Variants in CHODL observed in about 807,000 individuals in gnomAD.
The protein encoded by CHODL is chondrolectin, also known as transmembrane protein MT75.
In CHODL, 29 loss-of-function variants were observed where a neutral mutation model predicts 34.5. The observed-to-expected ratio is 0.84, with a 90% CI of 0.63 to 1.15. CHODL has a LOEUF of 1.15. CHODL is among the 50% of genes most tolerant of loss of function. The probability of loss-of-function intolerance (pLI) is 0.00; values close to 1 mark genes in which losing one functional copy is unlikely to be tolerated. For missense variants in CHODL, 332 were observed against 332.5 expected, an observed-to-expected ratio of 1.00 and a Z score of 0.01; for synonymous variants, 125 against 116.1, an observed-to-expected ratio of 1.08 and a Z score of -0.49.
At chr21:18,131,867 C>G (rs1208512118) in intron 2 of CHODL, among the ~76,000 whole-genome samples, 1 of 152,008 alleles carries the variant, frequency 6.6e-6, no homozygotes, top group Non-Finnish European at 1.5e-5. Flanking sequence ...TTTCATTCTT[C>G]CATTATTTTT....
At chr21:17,976,921 C>A (rs1345208317) in intron 1 of CHODL, among the ~76,000 whole-genome samples, 2 of 152,092 alleles carry the variant, frequency 1.3e-5, no homozygotes, top group Admixed American at 6.6e-5. Context: ...AAATGCTTTC[C>A]AGACAGATTT....
intron 2 of CHODL, among the ~76,000 whole-genome samples, chr21:18,112,779 G>A (rs1241041075): frequency 6.6e-6 from 1 of 152,154 alleles, no homozygotes; most frequent in East Asian, 1.9e-4. Flanking sequence ...ATGCACCAAA[G>A]ACTTAAGTCT....
chr21:17,954,266 G>A (rs993652466), intron 1 of CHODL, among the ~76,000 whole-genome samples: 1 of 152,170 alleles, frequency 6.6e-6, no homozygotes, highest in Non-Finnish European at 1.5e-5. Flanking sequence ...AATACACGAT[G>A]TAAAAGGTGT....
intron 2 of CHODL, among the ~76,000 whole-genome samples, chr21:18,188,976 T>C (rs2073477967): frequency 6.6e-6 from 1 of 152,246 alleles, no homozygotes; most frequent in African/African-American, 2.4e-5. Flanking sequence ...TGGGCAGATG[T>C]CCTTGCAGTA....
intron 1 of CHODL, among the ~76,000 whole-genome samples, chr21:17,992,499 T>C (rs1224559557): frequency 3.3e-5 from 5 of 152,166 alleles, no homozygotes; most frequent in Non-Finnish European, 7.3e-5. Flanking sequence ...TGTTTTGCAG[T>C]TTTCACTGTA....
chr21:17,953,412 A>ATGGAGGTT (rs2063473863), intron 1 of CHODL, among the ~76,000 whole-genome samples: 1 of 152,096 alleles, frequency 6.6e-6, no homozygotes. Context: ...GACTACAGTG[A>ATGGAGGTT]GCCACGATTG....
intron 2 of CHODL, among the ~76,000 whole-genome samples, chr21:18,220,034 A>G (rs981094987): frequency 1.3e-5 from 2 of 152,158 alleles, no homozygotes; most frequent in Admixed American, 6.5e-5. Context: ...TGCTGTCCCA[A>G]TATTTTCATT....
intron 2 of CHODL, among the ~76,000 whole-genome samples, chr21:18,136,379 T>C (rs1259792842): frequency 6.6e-6 from 1 of 152,086 alleles, no homozygotes; most frequent in African/African-American, 2.4e-5. Context: ...CACGATAAAG[T>C]TGACTTAGAC....
chr21:18,256,019 G>A lies in CHODL; in HGVS notation c.80-490G>A, dbSNP rs1020948715. Reference sequence around the variant, plus strand: ...TTCAATTTTAATAGATTTGTTTCGGGTATAAAAAATGAAAGCAAATATTTA... The same window carrying A: ...TTCAATTTTAATAGATTTGTTTCGGATATAAAAAATGAAAGCAAATATTTA... On this transcript the variant is annotated intron_variant, in intron 1 of 5. Transcript: ENST00000299295. Among the ~76,000 whole-genome samples the A allele has an allele frequency of 5.3e-5, 8 of 152,014 alleles. No homozygotes were observed. The East Asian group carries it at 1.5e-3, about 29-fold the overall frequency.
chr21:18,091,281 G>A (rs546907930), intron 2 of CHODL, among the ~76,000 whole-genome samples: 60 of 152,322 alleles, frequency 3.9e-4, no homozygotes, highest in Middle Eastern at 3.4e-3. Context: ...TCGAGGACAC[G>A]TAGGACACAA....
intron 1 of CHODL, among the ~76,000 whole-genome samples, chr21:18,006,356 GAAA>G (rs113398493): frequency 8.1e-6 from 1 of 124,138 alleles, no homozygotes; most frequent in Non-Finnish European, 1.8e-5. Context: ...TAAAATAAAA[GAAA>G]AAAAAAAAAG....
At chr21:18,028,698 T>TAAA (rs34588468) in intron 2 of CHODL, among the ~76,000 whole-genome samples, 20 of 85,248 alleles carry the variant, frequency 2.3e-4, no homozygotes, top group South Asian at 4.4e-4. Flanking sequence ...AAACTCCATC[T>TAAA]AAAAAAAAAA....
chr21:18,143,859 T>A (rs1263555563), intron 2 of CHODL, among the ~76,000 whole-genome samples: 2 of 152,124 alleles, frequency 1.3e-5, no homozygotes, highest in Non-Finnish European at 2.9e-5. Flanking sequence ...TAGGCTATCC[T>A]TTTATAAAAT....
chr21:18,140,619 A>C (rs1028272226), intron 2 of CHODL, among the ~76,000 whole-genome samples: 5 of 152,172 alleles, frequency 3.3e-5, no homozygotes, highest in African/African-American at 1.2e-4. Context: ...CAGGTACCAG[A>C]AAGCTGGAAA....
intron 1 of CHODL, among the ~76,000 whole-genome samples, chr21:17,945,045 C>T (rs903120506): frequency 8.2e-5 from 11 of 133,972 alleles, no homozygotes; most frequent in African/African-American, 1.1e-4. Context: ...CCCGTCTCTA[C>T]TAAAAATACA....
intron 1 of CHODL, among the ~76,000 whole-genome samples, chr21:18,011,266 G>A (rs527984191): frequency 1.4e-5 from 2 of 143,732 alleles, no homozygotes; most frequent in African/African-American, 2.8e-5. Flanking sequence ...GAAAAAAGTC[G>A]AACATTACTT....
In CHODL at chr21:17,933,409, C is replaced by T. The variant is rs530764427; in HGVS notation, c.-145+16009C>T. Among the ~76,000 whole-genome samples, 4 of 152,324 alleles carry T rather than the reference C, an allele frequency of 2.6e-5. No homozygotes were observed. In the South Asian group the frequency reaches 6.2e-4, roughly 24 times the overall value. The stretch of plus-strand genomic sequence containing the variant: ...GCGGCCTTCCGCAGTGTTTGAGTCC[C>T]TGGGTACTTGAGATTAGGGAGTGGT... On this transcript the variant is annotated intron_variant, in intron 1 of 6. Coordinates refer to the CHODL transcript ENST00000400127.
At chr21:18,162,863 ACTCCTGGG>A (rs1353618889) in intron 2 of CHODL, among the ~76,000 whole-genome samples, 3 of 151,920 alleles carry the variant, frequency 2.0e-5, no homozygotes, top group African/African-American at 7.2e-5. Flanking sequence ...CTAGACTGAA[ACTCCTGGG>A]CTCAAGAGAC....
chr21:18,069,539 A>AAT (rs71318122), intron 2 of CHODL, among the ~76,000 whole-genome samples: 54,138 of 147,292 alleles, frequency 0.37, 11,327 homozygotes, highest in Non-Finnish European at 0.5. Flanking sequence ...ATATATGTGG[A>AAT]ATATATATAT....
Sources: gnomAD v4.1 joint callset for allele counts (sites outside exome capture counted in the v4.1 genomes callset) on GRCh38, gnomAD v4.1.1 for gene constraint, MANE v1.5 for transcripts, NCBI Gene and HGNC (gene_info 2026-07-23, HGNC 2026-07-21) for gene names.